The following SCN4A variants were observed in gnomAD, a reference collection of about 807,000 sequenced individuals.
SCN4A encodes sodium voltage-gated channel alpha subunit 4.
A neutral mutation model predicts 162.0 loss-of-function variants in SCN4A; 83 were observed. The ratio of observed to expected loss-of-function variants is 0.51; its 90% confidence interval spans 0.43 to 0.61. The LOEUF (loss-of-function observed/expected upper bound fraction) is 0.61, where lower values mean the gene tolerates loss of function less well. SCN4A is among the 20% of genes least tolerant of loss of function. The pLI is 0.00. For synonymous variants in SCN4A, 944 were observed against 985.1 expected, an observed-to-expected ratio of 0.96 and a Z score of 0.78; for missense variants, 2,196 against 2,462.5, an observed-to-expected ratio of 0.89 and a Z score of 2.29.
chr17:63,959,395 A>G lies in SCN4A; in HGVS notation c.1889T>C (p.Ile630Thr), dbSNP rs1427358783. Residue 630 changes from isoleucine (I) to threonine (T), a missense_variant, in exon 12 of 24, where the codon ATT becomes ACT. Transcript: ENST00000435607. ...GAAATACTCGTAGGGGTCCATGGCAATCAGCTTCAGAACCATCTCTGCTGT... is the reference window on the plus strand; with the variant it reads ...GAAATACTCGTAGGGGTCCATGGCAGTCAGCTTCAGAACCATCTCTGCTGT... ...IFTAEMVLKL[I>T]AMDPYEYFQQ... 6.2e-7 allele frequency: 1 copy of G among 1,613,972 alleles called. No homozygotes were observed.
chr17:63,963,329 C>T lies in SCN4A; in HGVS notation c.1606+343G>A, dbSNP rs970414572. On this transcript the variant is annotated intron_variant, in intron 10 of 23. Coordinates refer to ENST00000435607, the MANE Select transcript of SCN4A (RefSeq NM_000334.4). Reference sequence around the variant, plus strand: ...TGGGCCTTCTGGTTAGTATTATTAGCCTGTGCTTCCCATTGGGCAGTCCCC... The same window carrying T: ...TGGGCCTTCTGGTTAGTATTATTAGTCTGTGCTTCCCATTGGGCAGTCCCC... Among the ~76,000 whole-genome samples, 3 of 152,300 alleles carry T rather than the reference C, an allele frequency of 2.0e-5. No homozygotes were observed. The South Asian group carries it at 6.2e-4, about 32-fold the overall frequency.
Position 63,949,463 on chromosome 17 carries a change from G to T in SCN4A, c.2919C>A (p.Pro973=), listed in dbSNP as rs73992419. The change falls in exon 15 of 24, where the codon CCC becomes CCA. Residue 973 remains proline (P), a synonymous_variant. Coordinates refer to ENST00000435607, the MANE Select transcript of SCN4A (RefSeq NM_000334.4). The part of the protein sequence containing the change: ...SVCSTADYKP[P]EEDPEEQAEE... ...CTGCCTGCTCCTCAGGGTCCTCCTC[G>T]GGGGGCTTGTAGTCAGCTGTGCTGC... 1 of 1,611,238 alleles carries T rather than the reference G, an allele frequency of 6.2e-7. No individual in the cohort carries two copies. Among genetic ancestry groups the T allele is most frequent in the East Asian group, 2.2e-5 (1 of 44,808 alleles).
At position 63,950,116 on chromosome 17, in the gene SCN4A, C is replaced by T. The variant is rs1327479802; in HGVS notation, c.2854-588G>A. On this transcript the variant is annotated intron_variant, in intron 14 of 23. Transcript: ENST00000435607. This position sits in a 1 kb window ranked among gnomAD's most constrained non-coding sequence, Gnocchi z 4.6. ...GTGCTCCAGCCGGGCCAGGCTTCCT[C>T]CCACCTCCTCCTGCTGGGCCAGGCC... is the stretch of plus-strand genomic sequence containing the variant. 6.6e-6 allele frequency among the ~76,000 whole-genome samples: 1 copy of T among 152,146 alleles called. No individual in the cohort carries two copies. Among genetic ancestry groups the T allele is most frequent in the Non-Finnish European group, 1.5e-5 (1 of 68,004 alleles).
chr17:63,972,909 G>T lies in SCN4A; in HGVS notation c.-68C>A. On this transcript the variant is annotated 5_prime_UTR_variant, in exon 1 of 24. Coordinates refer to ENST00000435607, the MANE Select transcript of SCN4A (RefSeq NM_000334.4). The surrounding 1 kb of genome is among the most constrained non-coding windows in gnomAD (Gnocchi z 4.3). ...CTGGGGAGCTGCAGTGCGCAGCCCC[G>T]GGGTGCTGGGCGGCCGCCCCTCCCT... 2 of 1,482,088 alleles carry T rather than the reference G, an allele frequency of 1.3e-6. No individual in the cohort carries two copies. Among genetic ancestry groups the T allele is most frequent in the East Asian group, 4.7e-5 (2 of 42,840 alleles). 91.8% of individuals were successfully genotyped at this position (1,482,088 alleles called of 1,614,324 possible). A position where few individuals can be genotyped will look rare whatever the true frequency, so the allele number is the denominator to read the frequency against.
In SCN4A at chr17:63,956,451, A is replaced by G. The variant is rs183785038; in HGVS notation, c.2376+711T>C. 5.2e-3 allele frequency among the ~76,000 whole-genome samples: 797 copies of G among 152,152 alleles called. 11 individuals are homozygous for G. The highest frequency in any genetic ancestry group is 0.018 in the African/African-American group (745 of 41,516). ...TTTGTAGAGATAAGAGTGTCTTGCTATGTTGCCCAGGCTGGTCTTGAACTC... is the reference window on the plus strand; with the variant it reads ...TTTGTAGAGATAAGAGTGTCTTGCTGTGTTGCCCAGGCTGGTCTTGAACTC... On this transcript the variant is annotated intron_variant, in intron 13 of 23. Transcript: ENST00000435607.
rs1909057397 is a variant in SCN4A at position 63,955,861 on chromosome 17, A to G, written c.2376+1301T>C. Among the ~76,000 whole-genome samples the G allele has an allele frequency of 2.0e-5, 3 of 152,202 alleles. No homozygotes were observed. In the South Asian group the frequency reaches 6.2e-4, roughly 31 times the overall value. The stretch of plus-strand genomic sequence containing the variant: ...CCCTCTCTTGGTGCTGCCCCCAGCC[A>G]GAGATCAGCAATATCTGAGAAGCTC... On this transcript the variant is annotated intron_variant, in intron 13 of 23. Coordinates refer to ENST00000435607, the MANE Select transcript of SCN4A (RefSeq NM_000334.4).
chr17:63,968,724 G>T (rs1909531485), intron 5 of SCN4A, among the ~76,000 whole-genome samples: 1 of 152,212 alleles, frequency 6.6e-6, no homozygotes, highest in Admixed American at 6.5e-5. Context: ...TAAAAAGGGG[G>T]CGTTGATAAT....
chr17:63,957,740 ACGC>A (rs1333850707), intron 12 of SCN4A, among the ~76,000 whole-genome samples: 1 of 152,160 alleles, frequency 6.6e-6, no homozygotes, highest in Non-Finnish European at 1.5e-5. Context: ...GCGGTGGCTC[ACGC>A]CTGTAATCCC....
chr17:63,945,275 G>T lies in SCN4A; in HGVS notation c.3720+85C>A. The T allele has an allele frequency of 8.0e-7, 1 of 1,251,536 alleles. No individual in the cohort carries two copies. The highest frequency in any genetic ancestry group is 1.4e-5 in the South Asian group (1 of 73,508). The allele number at this position is 1,251,536 out of a possible 1,614,324, so 77.5% of individuals were successfully genotyped here. A position where few individuals can be genotyped will look rare whatever the true frequency, so the allele number is the denominator to read the frequency against. On this transcript the variant is annotated intron_variant, in intron 19 of 23. Coordinates refer to ENST00000435607, the MANE Select transcript of SCN4A (RefSeq NM_000334.4). This position sits in a 1 kb window ranked among gnomAD's most constrained non-coding sequence, Gnocchi z 4.4. ...GGTGGGCGGTCCCCTAACCAGGAGT[G>T]ACACTGGGGTTGGGTACAACGAGAG...
intron 17 of SCN4A, among the ~76,000 whole-genome samples, 174 bp from the exon 18 acceptor site, chr17:63,947,341 G>T (rs1477990389): frequency 6.6e-6 from 1 of 152,214 alleles, no homozygotes; most frequent in East Asian, 1.9e-4. Flanking sequence ...CCCAGTACCT[G>T]TAGGAGCCTG....
rs575628825 is a variant in SCN4A, at chr17:63,966,870, G to A, written c.1037-326C>T. Among the ~76,000 whole-genome samples the A allele has an allele frequency of 3.5e-4, 54 of 152,316 alleles. 1 individual carries two copies. Among genetic ancestry groups the A allele is most frequent in the African/African-American group, 1.3e-3 (52 of 41,570 alleles). On this transcript the variant is annotated intron_variant, in intron 6 of 23. Transcript: ENST00000435607. ...CCTATGTAGGGCCCCTGAGTGAAGG[G>A]TGAGTGGGGGCTGGAATCCAGGTGC...
rs1292003837 is a variant in SCN4A at position 63,944,481 on chromosome 17, A to G, written c.3912+192T>C. ...GCAGTCTCATTTTACAGATAAGGACACCGAGGTTCATGGAGGCCAAGCCAC... is the reference window on the plus strand; with the variant it reads ...GCAGTCTCATTTTACAGATAAGGACGCCGAGGTTCATGGAGGCCAAGCCAC... On this transcript the variant is annotated intron_variant, in intron 21 of 23. Transcript: ENST00000435607. The surrounding 1 kb of genome is among the most constrained non-coding windows in gnomAD (Gnocchi z 4.3). Among the ~76,000 whole-genome samples, 1 of 152,122 alleles carries G rather than the reference A, an allele frequency of 6.6e-6. No homozygotes were observed. The highest frequency in any genetic ancestry group is 1.5e-5 in the Non-Finnish European group (1 of 68,012).
rs1019620679 is a variant in SCN4A, at chr17:63,947,800, G to T, written c.3318+90C>A. ...TGACTCTGGGGGTGGCCTCGGGCAG[G>T]TCCTGCCCTTCAGGGCGTGGGCTTC... On this transcript the variant is annotated intron_variant, in intron 17 of 23. Coordinates refer to ENST00000435607, the MANE Select transcript of SCN4A (RefSeq NM_000334.4). 19 of 1,371,090 alleles carry T rather than the reference G, an allele frequency of 1.4e-5. No homozygotes were observed. In the African/African-American group the frequency reaches 1.9e-4, roughly 14 times the overall value. 84.9% of individuals were successfully genotyped at this position (1,371,090 alleles called of 1,614,324 possible).
rs747666894 is a variant in SCN4A, at chr17:63,941,103, C to T, written c.5179G>A (p.Glu1727Lys). 29 of 1,613,874 alleles carry T rather than the reference C, an allele frequency of 1.8e-5. No homozygotes were observed. The highest frequency in any genetic ancestry group is 6.7e-5 in the Admixed American group (4 of 60,000). The part of the protein sequence containing the change: ...PITTTLKRKH[E>K]EVCAIKIQRA... ...TGGATCTTGATGGCGCACACCTCCTCGTGCTTCCTCTTGAGGGTGGTGGTG... is the reference window on the plus strand; with the variant it reads ...TGGATCTTGATGGCGCACACCTCCTTGTGCTTCCTCTTGAGGGTGGTGGTG... Residue 1727 changes from glutamate to lysine, a missense_variant, in exon 24 of 24, where the codon GAG (glutamate) becomes AAG (lysine). Coordinates refer to ENST00000435607, the MANE Select transcript of SCN4A (RefSeq NM_000334.4). The surrounding 1 kb of genome is among the most constrained non-coding windows in gnomAD (Gnocchi z 6.2).
chr17:63,966,022 C>A, intron 8 of SCN4A, 80 bp downstream of exon 8: 1 of 1,105,266 alleles, frequency 9.0e-7, no homozygotes, highest in South Asian at 1.4e-5. Context: ...CTGTGGTAGG[C>A]CCCATCAGGC....
chr17:63,960,791 C>T (rs913878191), intron 11 of SCN4A, among the ~76,000 whole-genome samples: 6 of 152,084 alleles, frequency 3.9e-5, no homozygotes, highest in African/African-American at 9.7e-5. Flanking sequence ...GTCACACTGC[C>T]AGATCCCTTG....
chr17:63,969,823 A>G (rs1179444959), intron 5 of SCN4A, among the ~76,000 whole-genome samples: 1 of 151,802 alleles, frequency 6.6e-6, no homozygotes, highest in East Asian at 1.9e-4. Context: ...TTGTATTTTG[A>G]GTAGAGACGG....
rs191783461 is a variant in SCN4A, at chr17:63,972,908, C to T, written c.-67G>A. On this transcript the variant is annotated 5_prime_UTR_variant, in exon 1 of 24. Transcript: ENST00000435607. This position sits in a 1 kb window ranked among gnomAD's most constrained non-coding sequence, Gnocchi z 4.3. The stretch of plus-strand genomic sequence containing the variant: ...CCTGGGGAGCTGCAGTGCGCAGCCC[C>T]GGGGTGCTGGGCGGCCGCCCCTCCC... The T allele has an allele frequency of 8.1e-5, 121 of 1,496,722 alleles. No individual in the cohort carries two copies. The highest frequency in any genetic ancestry group is 3.6e-5 in the Non-Finnish European group (40 of 1,124,312). 92.7% of individuals were successfully genotyped at this position (1,496,722 alleles called of 1,614,324 possible).
At chr17:63,961,630 T>G (rs1222311026) in intron 10 of SCN4A, 199 bp from the exon 11 acceptor site, 17 of 379,562 alleles carry the variant, frequency 4.5e-5, no homozygotes, top group East Asian at 1.8e-4. Context: ...CCGCCCCACA[T>G]GGCTTCACCC....
Sources: allele counts gnomAD v4.1 joint callset (sites outside exome capture counted in the v4.1 genomes callset), GRCh38; gene constraint gnomAD v4.1.1; non-coding constraint Gnocchi (gnomAD v3.1); transcripts MANE v1.5; gene names NCBI Gene and HGNC (gene_info 2026-07-23, HGNC 2026-07-21).